Variants in ELP4 observed in about 807,000 individuals in gnomAD.
The protein encoded by ELP4 is elongator acetyltransferase complex subunit 4.
Under a neutral mutation model 48.9 loss-of-function variants are expected in ELP4, and 51 were observed. That is an observed-to-expected ratio of 1.04 (90% CI 0.83 to 1.32). The LOEUF (loss-of-function observed/expected upper bound fraction) is 1.32. Among genes scored for constraint, ELP4 ranks in the 40% most tolerant of loss-of-function variants. ELP4 has a pLI of 0.00. For missense variants in ELP4, 519 were observed against 514.6 expected (o/e 1.01, Z -0.08); for synonymous variants, 210 against 189.2 (o/e 1.11, Z -0.90).
At chr11:31,769,620 A>G (rs1420668835) in intron 9 of ELP4, among the ~76,000 whole-genome samples, 1 of 152,140 alleles carries the variant, frequency 6.6e-6, no homozygotes, top group African/African-American at 2.4e-5. Flanking sequence ...AGTTCTTAAA[A>G]TCTCTGGATC....
intron 9 of ELP4, among the ~76,000 whole-genome samples, chr11:31,693,450 G>A (rs936964273): frequency 2.6e-5 from 4 of 151,986 alleles, no homozygotes; most frequent in Non-Finnish European, 5.9e-5. Context: ...GAGAATGATG[G>A]TTTCCAGCTT....
intron 4 of ELP4, among the ~76,000 whole-genome samples, chr11:31,601,319 T>C (rs1359109962): frequency 6.6e-6 from 1 of 152,096 alleles, no homozygotes; most frequent in East Asian, 1.9e-4. Context: ...TGTAAGAATA[T>C]ATTTTTATTT....
At chr11:31,699,906 G>T (rs941429093) in intron 9 of ELP4, among the ~76,000 whole-genome samples, 1 of 152,098 alleles carries the variant, frequency 6.6e-6, no homozygotes, top group East Asian at 1.9e-4. Flanking sequence ...CAGAATGAAG[G>T]TTCTGTATCT....
intron 9 of ELP4, among the ~76,000 whole-genome samples, chr11:31,727,110 T>C (rs1842644960): frequency 6.6e-6 from 1 of 151,932 alleles, no homozygotes; most frequent in Non-Finnish European, 1.5e-5. Flanking sequence ...ACAGTATCAG[T>C]GTCCTCAGCT....
intron 9 of ELP4, among the ~76,000 whole-genome samples, chr11:31,717,851 T>C (rs56067839): frequency 0.021 from 3,134 of 152,278 alleles, 104 homozygotes; most frequent in African/African-American, 0.071. Flanking sequence ...AAAATCATTA[T>C]AGTGAAAAAA....
At chr11:31,587,585 A>G (rs1377753950) in intron 3 of ELP4, among the ~76,000 whole-genome samples, 3 of 152,134 alleles carry the variant, frequency 2.0e-5, no homozygotes, top group South Asian at 2.1e-4. Context: ...AGAATTGTTG[A>G]TCAGTTCAAT....
chr11:31,607,265 C>T (rs562194610), intron 5 of ELP4, among the ~76,000 whole-genome samples: 3 of 152,248 alleles, frequency 2.0e-5, no homozygotes, highest in Non-Finnish European at 2.9e-5. Flanking sequence ...CTATCTTTGT[C>T]CATTTGTGAT....
At chr11:31,733,701 A>G (rs1947245227) in intron 9 of ELP4, among the ~76,000 whole-genome samples, 2 of 152,154 alleles carry the variant, frequency 1.3e-5, no homozygotes, top group African/African-American at 4.8e-5. Context: ...TATAATTAAT[A>G]AGGCTATTGA....
At chr11:31,562,605 C>T (rs1217609397) in intron 3 of ELP4, among the ~76,000 whole-genome samples, 2 of 151,938 alleles carry the variant, frequency 1.3e-5, no homozygotes, top group Non-Finnish European at 2.9e-5. Context: ...ATTTGTATAC[C>T]AATGTGAAAG....
intron 3 of ELP4, among the ~76,000 whole-genome samples, chr11:31,561,508 C>A (rs965641769): frequency 6.6e-6 from 1 of 152,088 alleles, no homozygotes; most frequent in Non-Finnish European, 1.5e-5. Flanking sequence ...GTGGTGCAAT[C>A]GCAGCTCACT....
intron 9 of ELP4, among the ~76,000 whole-genome samples, chr11:31,782,702 G>A (rs1488661727): frequency 2.0e-5 from 3 of 152,104 alleles, no homozygotes; most frequent in South Asian, 2.1e-4. Context: ...TTGGGAGGGT[G>A]TTCAAAGCAA....
At chr11:31,612,329 C>T (rs917669631) in intron 5 of ELP4, among the ~76,000 whole-genome samples, 19 of 152,110 alleles carry the variant, frequency 1.2e-4, no homozygotes, top group African/African-American at 3.9e-4. Context: ...TGGTTACTTA[C>T]CTCTTGGGAG....
At chr11:31,665,407 GC>G (rs1313710536) in intron 9 of ELP4, among the ~76,000 whole-genome samples, 2 of 151,944 alleles carry the variant, frequency 1.3e-5, no homozygotes, top group African/African-American at 2.4e-5. Context: ...GTACTATGAA[GC>G]TTTTTTAACA....
chr11:31,703,960 A>G (rs553457518), intron 9 of ELP4, among the ~76,000 whole-genome samples: 2 of 152,332 alleles, frequency 1.3e-5, no homozygotes, highest in South Asian at 2.1e-4. Flanking sequence ...ATGCACTCAC[A>G]TATTCAGCAC....
At position 31,786,887 on chromosome 11, in the gene ELP4, G is replaced by C. The variant is rs920678567; in HGVS notation, c.*3363G>C. 8.2e-5 allele frequency: 18 copies of C among 218,656 alleles called. No individual in the cohort carries two copies. In the Middle Eastern group the frequency reaches 4.1e-3, roughly 50 times the overall value. The allele number at this position is 218,656 out of a possible 1,614,324, so 13.5% of individuals were successfully genotyped here. Reference sequence around the variant, plus strand: ...CACCTGGTTTTCCCAAGTCAGTCAAGTTTGGAGAAAAAATTTAGACGTTTA... The same window carrying C: ...CACCTGGTTTTCCCAAGTCAGTCAACTTTGGAGAAAAAATTTAGACGTTTA... On this transcript the variant is annotated 3_prime_UTR_variant, in exon 10 of 10. Coordinates refer to ENST00000640961, the MANE Select transcript of ELP4 (RefSeq NM_019040.5).
Position 31,706,166 on chromosome 11 carries a change from A to G in ELP4, c.1143+55945A>G, listed in dbSNP as rs536688046. On this transcript the variant is annotated intron_variant, in intron 9 of 9. Coordinates refer to ENST00000640961, the MANE Select transcript of ELP4 (RefSeq NM_019040.5). ...TGTACATATTCATAGGGCACATAGT[A>G]ATGTTTTGATGCATTTAATAAATAC... Among the ~76,000 whole-genome samples, 178 of 152,248 alleles carry G rather than the reference A, an allele frequency of 1.2e-3. No individual in the cohort carries two copies. In the Middle Eastern group the frequency reaches 0.017, roughly 15 times the overall value.
chr11:31,650,128 A>G lies in ELP4; in HGVS notation c.1050A>G (p.Ile350Met). ...CTTTTCCACAAGGATTGATTCATATACGGCAGATTCCTCGGCTTAATAACT... is the reference window on the plus strand; with the variant it reads ...CTTTTCCACAAGGATTGATTCATATGCGGCAGATTCCTCGGCTTAATAACT... ...LYKDYHGLIH[I>M]RQIPRLNNLI... Residue 350 changes from isoleucine (I) to methionine (M), a missense_variant, in exon 9 of 10, where the codon ATA becomes ATG. Ile to Met is a conservative substitution (Grantham distance 10, BLOSUM62 1). Transcript: ENST00000640961. The G allele has an allele frequency of 6.9e-7, 1 of 1,450,246 alleles. No homozygotes were observed. The highest frequency in any genetic ancestry group is 9.6e-7 in the Non-Finnish European group (1 of 1,040,916). The allele number at this position is 1,450,246 out of a possible 1,614,324, so 89.8% of individuals were successfully genotyped here. A position where few individuals can be genotyped will look rare whatever the true frequency, so the allele number is the denominator to read the frequency against.
intron 2 of ELP4, among the ~76,000 whole-genome samples, chr11:31,535,486 G>C (rs1359873432): frequency 6.6e-6 from 1 of 152,122 alleles, no homozygotes; most frequent in Non-Finnish European, 1.5e-5. Flanking sequence ...AGGACTACCA[G>C]TGCACACCAC....
At chr11:31,705,900 A>C (rs1158878740) in intron 9 of ELP4, among the ~76,000 whole-genome samples, 3 of 151,978 alleles carry the variant, frequency 2.0e-5, no homozygotes, top group African/African-American at 7.3e-5. Flanking sequence ...TCACCCAGGC[A>C]AGAGTGCAGT....
Sources: gnomAD v4.1 joint callset for allele counts (sites outside exome capture counted in the v4.1 genomes callset) on GRCh38, gnomAD v4.1.1 for gene constraint, MANE v1.5 for transcripts, NCBI Gene and HGNC (gene_info 2026-07-23, HGNC 2026-07-21) for gene names.